Variants in PCBP3 observed in about 807,000 individuals in gnomAD.
PCBP3 encodes poly(rC) binding protein 3, also known as poly(rC)-binding protein 3.
In PCBP3, 25 loss-of-function variants were observed where a neutral mutation model predicts 52.7. That is an observed-to-expected ratio of 0.47 (90% confidence interval 0.35 to 0.66). The LOEUF (loss-of-function observed/expected upper bound fraction) is 0.66, where lower values mean the gene tolerates loss of function less well. Among genes scored for constraint, PCBP3 ranks in the 30% least tolerant of loss-of-function variants. The pLI is 0.01. For missense variants in PCBP3, 391 were observed against 490.3 expected, an observed-to-expected ratio of 0.80 and a Z score of 1.91; for synonymous variants, 162 against 183.0, an observed-to-expected ratio of 0.89 and a Z score of 0.93.
At chr21:45,774,081 G>A (rs2090074834) in intron 4 of PCBP3, among the ~76,000 whole-genome samples, 1 of 152,116 alleles carries the variant, frequency 6.6e-6, no homozygotes, top group Non-Finnish European at 1.5e-5. Context: ...TTTGTATCCT[G>A]CAACTTACTG....
intron 7 of PCBP3, among the ~76,000 whole-genome samples, chr21:45,900,206 C>G (rs1400595990): frequency 1.3e-5 from 2 of 152,192 alleles, no homozygotes; most frequent in African/African-American, 2.4e-5. Context: ...TGAGAGGGCG[C>G]GTCTCTGAGA....
intron 4 of PCBP3, among the ~76,000 whole-genome samples, chr21:45,834,991 C>T (rs1051149909): frequency 2.0e-5 from 3 of 152,232 alleles, no homozygotes; most frequent in Admixed American, 6.5e-5. Context: ...GGGTGGGCAG[C>T]GCCACTGAAT....
intron 4 of PCBP3, among the ~76,000 whole-genome samples, chr21:45,814,951 G>GAGT (rs2092831953): frequency 1.7e-5 from 2 of 117,364 alleles, no homozygotes; most frequent in Non-Finnish European, 3.5e-5. Context: ...GATGAGTGGT[G>GAGT]AGTGAGTGGT....
At chr21:45,888,616 T>G (rs2877119) in intron 5 of PCBP3, among the ~76,000 whole-genome samples, 1 of 152,164 alleles carries the variant, frequency 6.6e-6, no homozygotes, top group African/African-American at 2.4e-5. Flanking sequence ...ACAGGCAGCT[T>G]TCCTCCCGCC....
intron 4 of PCBP3, among the ~76,000 whole-genome samples, chr21:45,796,063 C>A (rs919719588): frequency 1.3e-5 from 2 of 152,162 alleles, no homozygotes; most frequent in Non-Finnish European, 2.9e-5. Context: ...AAACGCCAGT[C>A]AGAGGGCTGC....
intron 5 of PCBP3, among the ~76,000 whole-genome samples, chr21:45,888,860 C>T (rs944208864): frequency 5.4e-5 from 8 of 148,352 alleles, no homozygotes; most frequent in African/African-American, 1.5e-4. Context: ...ATACATGGAA[C>T]GATTATAAAG....
intron 5 of PCBP3, among the ~76,000 whole-genome samples, chr21:45,851,456 G>A (rs1172597415): frequency 1.3e-5 from 2 of 152,172 alleles, no homozygotes; most frequent in Non-Finnish European, 1.5e-5. Flanking sequence ...AGGTTGTAGT[G>A]AGCCAAGATT....
At chr21:45,731,143 T>C (rs2085422780) in intron 2 of PCBP3, among the ~76,000 whole-genome samples, 1 of 152,214 alleles carries the variant, frequency 6.6e-6, no homozygotes, top group Non-Finnish European at 1.5e-5. Flanking sequence ...TTGAGTACTT[T>C]CTATGATCAG....
chr21:45,698,224 C>T (rs1020272164), intron 2 of PCBP3, among the ~76,000 whole-genome samples: 3 of 152,200 alleles, frequency 2.0e-5, no homozygotes, highest in Admixed American at 1.3e-4. Context: ...CTTGGGGCTC[C>T]TTCCCCTTCT....
chr21:45,657,593 C>A (rs534002373), intron 1 of PCBP3, among the ~76,000 whole-genome samples: 1 of 151,884 alleles, frequency 6.6e-6, no homozygotes, highest in Non-Finnish European at 1.5e-5. Flanking sequence ...AGTCCTTCAA[C>A]TTTGGTCTTT....
chr21:45,906,327 G>T (rs1350654388), intron 9 of PCBP3, among the ~76,000 whole-genome samples: 1 of 152,120 alleles, frequency 6.6e-6, no homozygotes, highest in Non-Finnish European at 1.5e-5. Flanking sequence ...TCAGTATCTT[G>T]GTATCTGTAC....
At chr21:45,895,078 G>C (rs537457950) in intron 5 of PCBP3, among the ~76,000 whole-genome samples, 194 of 152,342 alleles carry the variant, frequency 1.3e-3, no homozygotes, top group African/African-American at 4.4e-3. Flanking sequence ...GTGCAGAGGT[G>C]CATCCCTGGC....
chr21:45,719,886 C>T (rs1156315962), intron 2 of PCBP3, among the ~76,000 whole-genome samples: 1 of 152,026 alleles, frequency 6.6e-6, no homozygotes, highest in Non-Finnish European at 1.5e-5. Flanking sequence ...CATTACCCAC[C>T]AAATTCCAGG....
At chr21:45,804,488 T>A (rs2092425030) in intron 4 of PCBP3, among the ~76,000 whole-genome samples, 1 of 152,170 alleles carries the variant, frequency 6.6e-6, no homozygotes, top group Non-Finnish European at 1.5e-5. Flanking sequence ...GGGAGCTTAC[T>A]GAAGATCCTA....
intron 15 of PCBP3, among the ~76,000 whole-genome samples, 190 bp downstream of exon 15, chr21:45,931,035 G>A (rs2076111805): frequency 1.3e-5 from 2 of 152,206 alleles, no homozygotes; most frequent in South Asian, 4.1e-4. Flanking sequence ...GGGGCCTGAG[G>A]TGCTCAGAGC....
At chr21:45,727,186 A>G (rs539196071) in intron 2 of PCBP3, among the ~76,000 whole-genome samples, 47 of 152,272 alleles carry the variant, frequency 3.1e-4, no homozygotes, top group Non-Finnish European at 5.4e-4. Flanking sequence ...TCCATTTTGA[A>G]TTAACTCTAT....
chr21:45,894,966 T>G (rs924236132), intron 5 of PCBP3, among the ~76,000 whole-genome samples: 1 of 152,218 alleles, frequency 6.6e-6, no homozygotes, highest in African/African-American at 2.4e-5. Flanking sequence ...TACAATAATT[T>G]TGTGATAGTC....
intron 1 of PCBP3, among the ~76,000 whole-genome samples, chr21:45,658,228 T>A (rs1398757355): frequency 2.0e-5 from 3 of 152,240 alleles, no homozygotes; most frequent in Non-Finnish European, 4.4e-5. Context: ...GAGCCAACTT[T>A]GAATTCCCTA....
chr21:45,913,725 A>G (rs1486785143), intron 11 of PCBP3, among the ~76,000 whole-genome samples: 1 of 152,198 alleles, frequency 6.6e-6, no homozygotes, highest in Non-Finnish European at 1.5e-5. Context: ...AGGGCTCAGC[A>G]AAAAGGAGCC....
Sources: allele counts gnomAD v4.1 joint callset (sites outside exome capture counted in the v4.1 genomes callset), GRCh38; gene constraint gnomAD v4.1.1; transcripts MANE v1.5; gene names NCBI Gene and HGNC (gene_info 2026-07-23, HGNC 2026-07-21).